REV1: variants seen among roughly 807,000 people sequenced by gnomAD.
The protein encoded by REV1 is REV1 DNA directed polymerase.
Under a neutral mutation model 137.4 loss-of-function variants are expected in REV1, and 42 were observed. That is an observed-to-expected ratio of 0.31 (90% CI 0.24 to 0.40). The LOEUF (loss-of-function observed/expected upper bound fraction) is 0.40. Among genes scored for constraint, REV1 ranks in the 10% least tolerant of loss-of-function variants. The probability of loss-of-function intolerance (pLI) is 1.00; values close to 1 mark genes in which losing one functional copy is unlikely to be tolerated. For synonymous variants in REV1, 524 were observed against 519.2 expected (o/e 1.01, Z -0.12); for missense variants, 1,282 against 1,490.1 (o/e 0.86, Z 2.30).
chr2:99,403,756 C>A lies in REV1; in HGVS notation c.3105G>T (p.Ala1035=), dbSNP rs183307465. Residue 1035 remains alanine, a synonymous_variant, in exon 19 of 23, where the codon GCG becomes GCT. Coordinates refer to ENST00000258428, the MANE Select transcript of REV1 (RefSeq NM_016316.4). ...CGCCCTGCCTTTGTCTTTGATCATA[C>A]GCTGCTTTCAGCTCCCTCTGAAGTT... ...PAELQRELKA[A]YDQRQRQGEN... The A allele has an allele frequency of 2.5e-6, 4 of 1,614,176 alleles. No individual in the cohort carries two copies. The highest frequency in any genetic ancestry group is 8.5e-7 in the Non-Finnish European group (1 of 1,180,034).
intron 9 of REV1, among the ~76,000 whole-genome samples, chr2:99,425,457 A>G (rs899134492): frequency 2.0e-5 from 3 of 152,164 alleles, no homozygotes; most frequent in Non-Finnish European, 4.4e-5. Flanking sequence ...TGCTGGGTAT[A>G]GGATGGCAAA....
At chr2:99,436,888 T>C (rs1680821282) in intron 6 of REV1, 2 of 152,146 alleles carry the variant, frequency 1.3e-5, no homozygotes, top group African/African-American at 4.8e-5. Context: ...GTCTTTATAA[T>C]AGGCTTCCAA....
At chr2:99,474,430 A>G (rs1021247557) in intron 1 of REV1, among the ~76,000 whole-genome samples, 4 of 152,264 alleles carry the variant, frequency 2.6e-5, no homozygotes, top group African/African-American at 9.6e-5. Context: ...TGAACTGCTA[A>G]AAAGTTAAGA....
chr2:99,468,884 G>A (rs1003628458), intron 1 of REV1, among the ~76,000 whole-genome samples: 3 of 152,116 alleles, frequency 2.0e-5, no homozygotes, highest in Non-Finnish European at 2.9e-5. Flanking sequence ...GACTACACAC[G>A]TGGAAACCCT....
intron 1 of REV1, among the ~76,000 whole-genome samples, chr2:99,480,684 T>G (rs1255447424): frequency 6.6e-6 from 1 of 152,184 alleles, no homozygotes; most frequent in Non-Finnish European, 1.5e-5. Flanking sequence ...TTCAAAAATA[T>G]AGTCAAACTC....
At chr2:99,474,735 C>T (rs1003352528) in intron 1 of REV1, among the ~76,000 whole-genome samples, 1 of 152,020 alleles carries the variant, frequency 6.6e-6, no homozygotes, top group Admixed American at 6.6e-5. Context: ...AACCCTGTCT[C>T]TATTAAAAAG....
At position 99,444,152 on chromosome 2, in the gene REV1, C is replaced by T. The variant is rs146491218; in HGVS notation, c.351-1683G>A. 2.9e-3 allele frequency among the ~76,000 whole-genome samples: 448 copies of T among 152,336 alleles called. 3 individuals carry two copies. Among genetic ancestry groups the T allele is most frequent in the African/African-American group, 0.01 (430 of 41,572 alleles). ...TCCTTTAATAGTTGGTCTCAATTGC[C>T]TAACTATAAATCTTTGTTCTGTGGT... On this transcript the variant is annotated intron_variant, in intron 4 of 22. Transcript: ENST00000258428.
At chr2:99,455,149 CTTAA>C (rs1235266701) in intron 3 of REV1, among the ~76,000 whole-genome samples, 2 of 152,200 alleles carry the variant, frequency 1.3e-5, no homozygotes, top group South Asian at 2.1e-4. Context: ...ATCCAAAGAA[CTTAA>C]TTAATTGTTG....
At chr2:99,490,133 C>G (rs1441620182), upstream of REV1, 1 of 150,218 alleles carries the variant, frequency 6.7e-6, no homozygotes, top group Non-Finnish European at 1.5e-5. Context: ...CTCTGCTCCC[C>G]CCGGCCCGGG....
In REV1 at chr2:99,439,044, A is replaced by G. The variant is rs3087386; in HGVS notation, c.770T>C (p.Phe257Ser). 906,827 of 1,613,544 alleles carry G rather than the reference A, an allele frequency of 0.56. 258,604 individuals are homozygous for G. Among genetic ancestry groups the G allele is most frequent in the African/African-American group, 0.71 (53,376 of 74,918 alleles). The change falls in exon 6 of 23, where the codon TTT (phenylalanine) becomes TCT (serine). Residue 257 changes from phenylalanine (F) to serine (S), a missense_variant. Physicochemically the swap from Phe to Ser is radical, Grantham distance 155. Transcript: ENST00000258428. ...NSVASRLSPA[F>S]SQEEDKAEKS... ...CTCAGCCTTATCCTCCTCCTGGGAA[A>G]AGGCTGGAGAAAGCCTGCTGGCAAC...
chr2:99,451,092 C>T (rs7594838), intron 3 of REV1, among the ~76,000 whole-genome samples: 92,576 of 151,938 alleles, frequency 0.61, 28,909 homozygotes, highest in African/African-American at 0.72. Context: ...TTCTCTAACA[C>T]TAAAGAACCT....
At position 99,408,060 on chromosome 2, in the gene REV1, G is replaced by C; in HGVS notation, c.2417C>G (p.Thr806Arg). 1 of 1,605,420 alleles carries C rather than the reference G, an allele frequency of 6.2e-7. No homozygotes were observed. The highest frequency in any genetic ancestry group is 8.5e-7 in the Non-Finnish European group (1 of 1,174,522). Reference protein sequence around the residue: ...IGKAMLNMFHTMKLNISDMRG... With the variant: ...IGKAMLNMFHRMKLNISDMRG... ...CATATCTGATATATTTAGTTTCATT[G>C]TATGAAACATGTTTAGCATCGCCTT... The change falls in exon 15 of 23, where the codon ACA (threonine) becomes AGA (arginine). Residue 806 changes from threonine (T) to arginine (R), a missense_variant. By Grantham distance (71) the Thr-to-Arg change is moderately conservative. Around this residue, in one of 7 missense-constraint regions of REV1, gnomAD observed 372 missense variants for 482.3 expected, o/e 0.77. Coordinates refer to ENST00000258428, the MANE Select transcript of REV1 (RefSeq NM_016316.4).
At chr2:99,435,652 A>G (rs898828047) in intron 7 of REV1, 182 bp downstream of exon 7, 2 of 463,782 alleles carry the variant, frequency 4.3e-6, no homozygotes, top group Non-Finnish European at 7.6e-6. Context: ...GAAGATCCCT[A>G]TAGGGAGAAA....
intron 1 of REV1, among the ~76,000 whole-genome samples, chr2:99,480,506 G>A (rs2104246238): frequency 6.6e-6 from 1 of 152,204 alleles, no homozygotes; most frequent in Admixed American, 6.5e-5. Flanking sequence ...AATTGGGTGG[G>A]AGAGTTTCTG....
At chr2:99,481,249 T>A (rs1465674994) in intron 1 of REV1, among the ~76,000 whole-genome samples, 1 of 152,132 alleles carries the variant, frequency 6.6e-6, no homozygotes, top group Admixed American at 6.5e-5. Flanking sequence ...TCAAGACCAA[T>A]ACCAAAATTC....
chr2:99,479,845 GCA>G (rs1172454673), intron 1 of REV1, among the ~76,000 whole-genome samples: 1 of 151,964 alleles, frequency 6.6e-6, no homozygotes, highest in East Asian at 1.9e-4. Context: ...TGCAATAAAT[GCA>G]CAGAGAAAAC....
At chr2:99,402,136 T>G (rs1237219064) in intron 22 of REV1, 108 bp downstream of exon 22, 1 of 585,674 alleles carries the variant, frequency 1.7e-6, no homozygotes, top group Non-Finnish European at 3.0e-6. Flanking sequence ...CACTTTCTCA[T>G]TAACCCTAAT....
At position 99,404,483 on chromosome 2, in the gene REV1, G is replaced by A. The variant is rs140247498; in HGVS notation, c.3006C>T (p.Asp1002=). Residue 1002 remains aspartate (D), a synonymous_variant, in exon 18 of 23, where the codon GAC becomes GAT. Coordinates refer to ENST00000258428, the MANE Select transcript of REV1 (RefSeq NM_016316.4). ...GAAGGGCTATTAAATTTATTCCTGC[G>A]TCACTGTTCGATTCTTGAGGTTCTG... The part of the protein sequence containing the change: ...QIPEPQESNS[D]AGINLIALPA... 1.6e-4 allele frequency: 255 copies of A among 1,614,024 alleles called. No individual in the cohort carries two copies. Among genetic ancestry groups the A allele is most frequent in the Middle Eastern group, 5.0e-4 (3 of 6,060 alleles).
chr2:99,434,251 T>C, intron 8 of REV1, 81 bp downstream of exon 8: 1 of 822,628 alleles, frequency 1.2e-6, no homozygotes, highest in Non-Finnish European at 1.9e-6. Flanking sequence ...TGCACTCATT[T>C]CTATTAACAA....
Sources: allele counts gnomAD v4.1 joint callset (sites outside exome capture counted in the v4.1 genomes callset), GRCh38; gene constraint gnomAD v4.1.1; regional missense constraint gnomAD v4.1.1; transcripts MANE v1.5; gene names NCBI Gene and HGNC (gene_info 2026-07-23, HGNC 2026-07-21).